The following SCNN1B variants were observed in gnomAD, a reference collection of about 807,000 sequenced individuals.
SCNN1B encodes epithelial sodium channel subunit beta.
A neutral mutation model predicts 65.3 loss-of-function variants in SCNN1B; 46 were observed. The ratio of observed to expected loss-of-function variants is 0.70; its 90% CI spans 0.56 to 0.90. The LOEUF (loss-of-function observed/expected upper bound fraction) is 0.90. Ranked by LOEUF, SCNN1B falls within the 40% of genes least tolerant of loss-of-function variation. The pLI is 0.00. For missense variants in SCNN1B, 751 were observed against 830.5 expected, an observed-to-expected ratio of 0.90 and a Z score of 1.18; for synonymous variants, 349 against 330.6, an observed-to-expected ratio of 1.06 and a Z score of -0.60.
intron 1 of SCNN1B, among the ~76,000 whole-genome samples, chr16:23,344,325 C>A (rs1962140930): frequency 6.6e-6 from 1 of 152,162 alleles, no homozygotes; most frequent in Admixed American, 6.5e-5. Flanking sequence ...GCTGTTGGTA[C>A]CAAGCTGAGA....
chr16:23,333,588 G>T (rs535512207), intron 1 of SCNN1B, among the ~76,000 whole-genome samples: 34 of 152,344 alleles, frequency 2.2e-4, no homozygotes, highest in African/African-American at 7.5e-4. Context: ...GACGGGCACT[G>T]TGCAAACTGC....
intron 4 of SCNN1B, among the ~76,000 whole-genome samples, chr16:23,360,942 C>T (rs1596872919): frequency 6.6e-6 from 1 of 152,160 alleles, no homozygotes; most frequent in African/African-American, 2.4e-5. Flanking sequence ...CTACAGGCAG[C>T]CGCCACCACA....
chr16:23,337,238 AG>A (rs1961960914), intron 1 of SCNN1B, among the ~76,000 whole-genome samples: 1 of 151,892 alleles, frequency 6.6e-6, no homozygotes, highest in Non-Finnish European at 1.5e-5. Flanking sequence ...TTTTTTGTAG[AG>A]GTGAGGCTTT....
Position 23,380,756 on chromosome 16 carries a change from G to A in SCNN1B, c.1878G>A (p.Gln626=), listed in dbSNP as rs376749292. The A allele has an allele frequency of 1.9e-6, 3 of 1,612,542 alleles. No homozygotes were observed. Among genetic ancestry groups the A allele is most frequent in the African/African-American group, 2.7e-5 (2 of 74,902 alleles). The change falls in exon 13 of 13, where the codon CAG becomes CAA. Residue 626 remains glutamine (Q), a synonymous_variant. Coordinates refer to ENST00000343070, the MANE Select transcript of SCNN1B (RefSeq NM_000336.3). This position sits in a 1 kb window ranked among gnomAD's most constrained non-coding sequence, Gnocchi z 5.4. ...PPPNYDSLRL[Q]PLDVIESDSE... ...CCAACTATGACTCCCTGCGTCTGCA[G>A]CCGCTGGACGTCATCGAGTCTGACA... is the stretch of plus-strand genomic sequence containing the variant.
At chr16:23,336,712 TGAATAGTTAA>T (rs1226350940) in intron 1 of SCNN1B, among the ~76,000 whole-genome samples, 1 of 152,136 alleles carries the variant, frequency 6.6e-6, no homozygotes, top group Non-Finnish European at 1.5e-5. Flanking sequence ...AACCTTTTTC[TGAATAGTTAA>T]GAAAGTATGT....
chr16:23,300,877 A>G (rs1372870750), upstream of SCNN1B, among the ~76,000 whole-genome samples: 1 of 152,108 alleles, frequency 6.6e-6, no homozygotes, highest in Non-Finnish European at 1.5e-5. Context: ...TTATGTCAAC[A>G]AGTAGTGGGT....
chr16:23,330,176 C>T (rs1005809147), intron 1 of SCNN1B, among the ~76,000 whole-genome samples: 3 of 152,202 alleles, frequency 2.0e-5, no homozygotes, highest in Non-Finnish European at 4.4e-5. Flanking sequence ...AAAGTCACTT[C>T]TTTGTGTGGC....
chr16:23,340,774 T>C (rs1458912461), intron 1 of SCNN1B, among the ~76,000 whole-genome samples: 2 of 152,206 alleles, frequency 1.3e-5, no homozygotes, highest in Non-Finnish European at 2.9e-5. Context: ...GATCGGTAGA[T>C]CTATCATTAC....
chr16:23,346,961 A>T (rs1438072226), intron 1 of SCNN1B, among the ~76,000 whole-genome samples: 1 of 152,014 alleles, frequency 6.6e-6, no homozygotes, highest in African/African-American at 2.4e-5. Flanking sequence ...TGAGAAGGAG[A>T]TTTGCTCAAA....
intron 4 of SCNN1B, among the ~76,000 whole-genome samples, chr16:23,357,322 C>A (rs1962440600): frequency 1.3e-5 from 2 of 152,268 alleles, no homozygotes; most frequent in Non-Finnish European, 2.9e-5. Flanking sequence ...GTGGCTCACG[C>A]CTGTAAGCCC....
chr16:23,291,286 C>T (rs1960920656), intron 2 of SCNN1B, among the ~76,000 whole-genome samples: 1 of 152,124 alleles, frequency 6.6e-6, no homozygotes, highest in African/African-American at 2.4e-5. Context: ...TGATCTCAAA[C>T]TCCTGACCTC....
At position 23,371,318 on chromosome 16, in the gene SCNN1B, C is replaced by T. The variant is rs1388077343; in HGVS notation, c.900C>T (p.Asp300=). ...GTEFGLKLIL[D]IGQEDYVPFL... Reference sequence around the variant, plus strand: ...CCACAGGCCTGAAGTTGATCCTGGACATAGGCCAGGAAGACTACGTCCCCT... The same window carrying T: ...CCACAGGCCTGAAGTTGATCCTGGATATAGGCCAGGAAGACTACGTCCCCT... The change falls in exon 6 of 13, where the codon GAC becomes GAT. Residue 300 remains aspartate (D), a synonymous_variant. Transcript: ENST00000343070. 2.5e-6 allele frequency: 4 copies of T among 1,614,106 alleles called. No homozygotes were observed. Among genetic ancestry groups the T allele is most frequent in the Non-Finnish European group, 3.4e-6 (4 of 1,180,000 alleles).
At chr16:23,313,859 C>A (rs1166702097) in intron 1 of SCNN1B, among the ~76,000 whole-genome samples, 1 of 152,204 alleles carries the variant, frequency 6.6e-6, no homozygotes, top group Admixed American at 6.5e-5. Flanking sequence ...ATCTGCCCAC[C>A]TTGGCCTCCC....
Position 23,380,233 on chromosome 16 carries a change from G to A in SCNN1B, c.1542+64G>A, listed in dbSNP as rs1001511279. On this transcript the variant is annotated intron_variant, in intron 12 of 12. Coordinates refer to ENST00000343070, the MANE Select transcript of SCNN1B (RefSeq NM_000336.3). This position sits in a 1 kb window ranked among gnomAD's most constrained non-coding sequence, Gnocchi z 5.4. ...GCCCTGACCCCTGCACCCTGAGGGT[G>A]GGGGAAGGGTTCTGAGCCCTATGAA... 8 of 1,516,724 alleles carry A rather than the reference G, an allele frequency of 5.3e-6. No individual in the cohort carries two copies. Among genetic ancestry groups the A allele is most frequent in the South Asian group, 4.5e-5 (4 of 89,098 alleles). The allele number at this position is 1,516,724 out of a possible 1,614,324, so 94.0% of individuals were successfully genotyped here. A position where few individuals can be genotyped will look rare whatever the true frequency, so the allele number is the denominator to read the frequency against.
chr16:23,366,154 T>C (rs1158566235), intron 4 of SCNN1B, among the ~76,000 whole-genome samples: 1 of 152,214 alleles, frequency 6.6e-6, no homozygotes, highest in Non-Finnish European at 1.5e-5. Context: ...GTGTGCATTA[T>C]TTGATGTACT....
intron 8 of SCNN1B, among the ~76,000 whole-genome samples, chr16:23,376,345 C>CGT (rs10584896): frequency 0.011 from 1,697 of 148,502 alleles, 17 homozygotes; most frequent in South Asian, 0.043. Flanking sequence ...CTTTTGTGCA[C>CGT]GTGTGTGTGT....
chr16:23,364,123 G>A (rs1294313487), intron 4 of SCNN1B, among the ~76,000 whole-genome samples: 1 of 152,102 alleles, frequency 6.6e-6, no homozygotes, highest in African/African-American at 2.4e-5. Flanking sequence ...CTGAGATCAT[G>A]CCACTACACT....
At chr16:23,286,949 T>A (rs1380723146) in intron 2 of SCNN1B, among the ~76,000 whole-genome samples, 1 of 151,876 alleles carries the variant, frequency 6.6e-6, no homozygotes, top group Admixed American at 6.6e-5. Context: ...TTTATTTAGT[T>A]TTTTGTTGTT....
chr16:23,326,112 CT>C (rs574780119), intron 1 of SCNN1B, among the ~76,000 whole-genome samples: 2,961 of 147,676 alleles, frequency 0.02, 66 homozygotes, highest in African/African-American at 0.051. Flanking sequence ...GGAAGCTTAA[CT>C]TTTTTTTTTA....
Sources: gnomAD v4.1 joint callset for allele counts (sites outside exome capture counted in the v4.1 genomes callset) on GRCh38, gnomAD v4.1.1 for gene constraint, Gnocchi (gnomAD v3.1) non-coding constraint, MANE v1.5 for transcripts, NCBI Gene and HGNC (gene_info 2026-07-23, HGNC 2026-07-21) for gene names.